The following SLC44A5 variants were observed in gnomAD, a reference collection of about 807,000 sequenced individuals.
SLC44A5 encodes the protein solute carrier family 44 member 5, also known as choline transporter-like protein 5.
SLC44A5 carries 57 observed loss-of-function variants against 101.8 expected under a neutral mutation model. That is an observed-to-expected ratio of 0.56 (90% CI 0.45 to 0.70). SLC44A5 has a LOEUF of 0.70. SLC44A5 is among the 30% of genes least tolerant of loss of function. The pLI is 0.00. For synonymous variants in SLC44A5, 281 were observed against 290.9 expected (o/e 0.97, Z 0.35); for missense variants, 737 against 853.1 (o/e 0.86, Z 1.70).
At chr1:75,425,063 G>C (rs1664227973) in intron 2 of SLC44A5, among the ~76,000 whole-genome samples, 1 of 152,200 alleles carries the variant, frequency 6.6e-6, no homozygotes, top group Non-Finnish European at 1.5e-5. Context: ...TTTCCAGGTT[G>C]TTAAAATGTT....
rs545479828 is a variant in SLC44A5, at chr1:75,406,190, T to A, written c.14-9569A>T. Among the ~76,000 whole-genome samples the A allele has an allele frequency of 2.6e-5, 4 of 152,142 alleles. No individual in the cohort carries two copies. The South Asian group carries it at 8.3e-4, about 32-fold the overall frequency. On this transcript the variant is annotated intron_variant, in intron 2 of 23. Coordinates refer to ENST00000370859, the MANE Select transcript of SLC44A5 (RefSeq NM_001130058.2). The stretch of plus-strand genomic sequence containing the variant: ...GAAGTTAAGTCCCTTAATAGACCAA[T>A]AACAAGTTCGGAAGTTGAGGCAATA...
intron 2 of SLC44A5, among the ~76,000 whole-genome samples, chr1:75,422,547 C>A (rs891506647): frequency 2.6e-5 from 4 of 152,034 alleles, no homozygotes; most frequent in African/African-American, 7.2e-5. Flanking sequence ...TATCCTGCAC[C>A]AACTGATACC....
intron 13 of SLC44A5, among the ~76,000 whole-genome samples, chr1:75,225,038 A>G (rs1232802493): frequency 6.6e-6 from 1 of 152,240 alleles, no homozygotes; most frequent in Non-Finnish European, 1.5e-5. Flanking sequence ...AGTAGTGTAC[A>G]GTAATTCTTT....
intron 2 of SLC44A5, among the ~76,000 whole-genome samples, chr1:75,448,934 C>T (rs138339858): frequency 2.6e-5 from 4 of 152,268 alleles, no homozygotes; most frequent in African/African-American, 9.6e-5. Flanking sequence ...CTCCACTCCA[C>T]TCCCACTCAG....
intron 4 of SLC44A5, chr1:75,311,643 G>T: frequency 1.2e-6 from 1 of 837,020 alleles, no homozygotes; most frequent in Non-Finnish European, 1.4e-6. Flanking sequence ...TGTGGCAGAT[G>T]CTATGAAACG....
At chr1:75,489,454 T>A (rs1668321401) in intron 2 of SLC44A5, among the ~76,000 whole-genome samples, 1 of 152,222 alleles carries the variant, frequency 6.6e-6, no homozygotes, top group Non-Finnish European at 1.5e-5. Flanking sequence ...GAATACAGGA[T>A]GCAAGGTCAA....
the SLC44A5 span, among the ~76,000 whole-genome samples, chr1:75,689,303 A>T: frequency 7.1e-6 from 1 of 141,424 alleles, no homozygotes; most frequent in Non-Finnish European, 1.6e-5. Context: ...GAAAGGGGGT[A>T]TCAGGTTTCT....
At chr1:75,662,660 A>G in the SLC44A5 span, among the ~76,000 whole-genome samples, 1 of 143,946 alleles carries the variant, frequency 6.9e-6, no homozygotes, top group Non-Finnish European at 1.5e-5. Context: ...ATAAATTTTA[A>G]AAATTAGATA....
At chr1:75,610,927 ATGTGTG>A in intron 1 of SLC44A5, 107 bp downstream of exon 1, 1 of 218,672 alleles carries the variant, frequency 4.6e-6, no homozygotes, top group Non-Finnish European at 7.7e-6. Context: ...CACTATATAT[ATGTGTG>A]TGTGTGTGTG....
At chr1:75,459,911 A>C (rs1037175043) in intron 2 of SLC44A5, among the ~76,000 whole-genome samples, 2 of 152,140 alleles carry the variant, frequency 1.3e-5, no homozygotes, top group Non-Finnish European at 2.9e-5. Context: ...TGCAGTTGGA[A>C]CTACAGGAGG....
chr1:75,611,530 A>G (rs1445152221), upstream of SLC44A5, among the ~76,000 whole-genome samples: 2 of 152,182 alleles, frequency 1.3e-5, no homozygotes, highest in African/African-American at 4.8e-5. Context: ...TACCTCCAAC[A>G]AACAGCAGTT....
chr1:75,527,452 C>T (rs141665910), intron 2 of SLC44A5, among the ~76,000 whole-genome samples: 287 of 152,196 alleles, frequency 1.9e-3, no homozygotes, highest in African/African-American at 6.2e-3. Context: ...AAATGGGCTA[C>T]AATTTGGTGA....
At chr1:75,656,923 C>T in the SLC44A5 span, among the ~76,000 whole-genome samples, 1 of 152,070 alleles carries the variant, frequency 6.6e-6, no homozygotes, top group Non-Finnish European at 1.5e-5. Context: ...ACAAGGCAGG[C>T]AGATCACCTG....
intron 4 of SLC44A5, among the ~76,000 whole-genome samples, chr1:75,321,091 CAT>C (rs1321346550): frequency 6.6e-6 from 1 of 152,120 alleles, no homozygotes; most frequent in Non-Finnish European, 1.5e-5. Flanking sequence ...AACTTTATGA[CAT>C]TAGAGAAAGC....
At position 75,608,559 on chromosome 1, in the gene SLC44A5, A is replaced by C. The variant is rs182048447; in HGVS notation, c.-70+2481T>G. Among the ~76,000 whole-genome samples, 118 of 152,168 alleles carry C rather than the reference A, an allele frequency of 7.8e-4. No individual in the cohort carries two copies. In the Middle Eastern group the frequency reaches 0.01, roughly 13 times the overall value. On this transcript the variant is annotated intron_variant, in intron 1 of 23. Coordinates refer to ENST00000370859, the MANE Select transcript of SLC44A5 (RefSeq NM_001130058.2). ...TGTTCAAAATCTGAACTGGTGCCAC[A>C]TTTCCCCAGAGTAAAAACCAAAGTC...
At chr1:75,260,346 T>C (rs907272698) in intron 6 of SLC44A5, among the ~76,000 whole-genome samples, 1 of 151,862 alleles carries the variant, frequency 6.6e-6, no homozygotes, top group African/African-American at 2.4e-5. Flanking sequence ...ACTAAGCAAA[T>C]GGAAAGCAAA....
intron 7 of SLC44A5, 131 bp from the exon 8 acceptor site, chr1:75,243,142 C>A (rs1258331242): frequency 8.0e-6 from 9 of 1,126,846 alleles, no homozygotes; most frequent in South Asian, 4.0e-5. Flanking sequence ...AAACCTAAAT[C>A]AATTTCCTTG....
intron 1 of SLC44A5, among the ~76,000 whole-genome samples, chr1:75,544,220 C>T (rs905255802): frequency 6.6e-6 from 1 of 152,058 alleles, no homozygotes; most frequent in Admixed American, 6.6e-5. Context: ...TTACTTTCTC[C>T]CCCTCTCTTT....
rs546972849 is a variant in SLC44A5 at position 75,606,012 on chromosome 1, G to A, written c.-70+5028C>T. On this transcript the variant is annotated intron_variant, in intron 1 of 23. Coordinates refer to ENST00000370859, the MANE Select transcript of SLC44A5 (RefSeq NM_001130058.2). ...TCTCTACCCACTGGATGCCACCAGCGCCACTCCAGTCATGACAATCAAAAT... is the reference window on the plus strand; with the variant it reads ...TCTCTACCCACTGGATGCCACCAGCACCACTCCAGTCATGACAATCAAAAT... 2.0e-4 allele frequency among the ~76,000 whole-genome samples: 31 copies of A among 152,092 alleles called. No homozygotes were observed. In the South Asian group the frequency reaches 5.6e-3, roughly 27 times the overall value.
Sources: allele counts gnomAD v4.1 joint callset (sites outside exome capture counted in the v4.1 genomes callset), GRCh38; gene constraint gnomAD v4.1.1; transcripts MANE v1.5; gene names NCBI Gene and HGNC (gene_info 2026-07-23, HGNC 2026-07-21).